Variants in KIAA1671 observed in about 807,000 individuals in gnomAD.
KIAA1671 encodes KIAA1671.
In KIAA1671, 52 loss-of-function variants were observed where a neutral mutation model predicts 131.2. The observed-to-expected ratio is 0.40, with a 90% CI of 0.32 to 0.50. The LOEUF (loss-of-function observed/expected upper bound fraction) is 0.50. KIAA1671 is among the 20% of genes least tolerant of loss of function. The pLI, the probability that KIAA1671 is intolerant of heterozygous loss-of-function variation, is 0.73. For synonymous variants in KIAA1671, 1,003 were observed against 961.6 expected, an observed-to-expected ratio of 1.04 and a Z score of -0.80; for missense variants, 2,360 against 2,364.2, an observed-to-expected ratio of 1.00 and a Z score of 0.04.
At chr22:25,020,513 C>T (rs1176826861) in intron 1 of KIAA1671, among the ~76,000 whole-genome samples, 1 of 152,118 alleles carries the variant, frequency 6.6e-6, no homozygotes, top group African/African-American at 2.4e-5. Context: ...GTTCAGACTC[C>T]AGATATAGCC....
Position 25,039,421 on chromosome 22 carries a change from C to T in KIAA1671, c.2291C>T (p.Ser764Phe). Residue 764 changes from serine (S) to phenylalanine (F), a missense_variant, in exon 5 of 13, where the codon TCT (serine) becomes TTT (phenylalanine). By Grantham distance (155) the Ser-to-Phe change is radical. Coordinates refer to ENST00000358431, the MANE Select transcript of KIAA1671 (RefSeq NM_001145206.2). ...EKAVTLRSLR[S>F]WLSLKDRQLS... Reference sequence around the variant, plus strand: ...GCGGTCACGCTCCGCAGCCTCAGGTCTTGGCTCTCACTGAAGGACAGGCAG... The same window carrying T: ...GCGGTCACGCTCCGCAGCCTCAGGTTTTGGCTCTCACTGAAGGACAGGCAG... The T allele has an allele frequency of 1.3e-6, 2 of 1,551,814 alleles. No individual in the cohort carries two copies. Among genetic ancestry groups the T allele is most frequent in the South Asian group, 2.4e-5 (2 of 84,060 alleles).
At chr22:24,982,505 G>A (rs986094336) in intron 1 of KIAA1671, among the ~76,000 whole-genome samples, 9 of 152,232 alleles carry the variant, frequency 5.9e-5, no homozygotes, top group African/African-American at 1.9e-4. Context: ...TCAATGCAGA[G>A]CTAGGGAATG....
chr22:24,990,217 A>C (rs1374085859), intron 1 of KIAA1671, among the ~76,000 whole-genome samples: 1 of 151,970 alleles, frequency 6.6e-6, no homozygotes, highest in African/African-American at 2.4e-5. Flanking sequence ...CAGCCTCCCA[A>C]GTAGCTGGGA....
chr22:25,186,073 TG>T (rs1934465733), intron 11 of KIAA1671: 1 of 152,280 alleles, frequency 6.6e-6, no homozygotes, highest in African/African-American at 2.4e-5. Flanking sequence ...TAAGCTTTAT[TG>T]GAACACAGCC....
chr22:24,988,477 AT>A (rs1174231996), intron 1 of KIAA1671, among the ~76,000 whole-genome samples: 5 of 152,010 alleles, frequency 3.3e-5, no homozygotes, highest in Admixed American at 1.3e-4. Context: ...TGTGGTGGTC[AT>A]GCCTGTAATC....
intron 6 of KIAA1671, among the ~76,000 whole-genome samples, chr22:25,161,764 C>T (rs1182119899): frequency 1.3e-5 from 2 of 152,154 alleles, no homozygotes; most frequent in South Asian, 4.1e-4. Flanking sequence ...CTCCCCTTCT[C>T]CTTTTCCTGG....
intron 6 of KIAA1671, chr22:25,050,379 T>C (rs1237561425): frequency 6.6e-6 from 1 of 152,244 alleles, no homozygotes; most frequent in Non-Finnish European, 1.5e-5. Flanking sequence ...CCAGGTCCTA[T>C]ACAGGGGCAT....
At chr22:25,002,083 A>T (rs1924508340) in intron 1 of KIAA1671, among the ~76,000 whole-genome samples, 1 of 152,136 alleles carries the variant, frequency 6.6e-6, no homozygotes, top group Admixed American at 6.5e-5. Flanking sequence ...TAGGAAAAAC[A>T]CTTCTCGAAA....
In KIAA1671 at chr22:25,165,017, G is replaced by GTGTGTGTGTGTC. The variant is rs1254688272; in HGVS notation, c.4531-5798_4531-5797insGTGTGTCTGTGT. ...TGTGTGTGTGTGTGTGTGTGTGTGT[G>GTGTGTGTGTGTC]TGTGTCTGTGGTTGATTTTGAGGCC... On this transcript the variant is annotated intron_variant, in intron 6 of 12. Transcript: ENST00000358431. Among the ~76,000 whole-genome samples, 10 of 147,056 alleles carry GTGTGTGTGTGTC rather than the reference G, an allele frequency of 6.8e-5. No homozygotes were observed. In the East Asian group the frequency reaches 1.8e-3, roughly 26 times the overall value.
chr22:25,117,628 CACACACACAG>C (rs1167783325), intron 6 of KIAA1671, among the ~76,000 whole-genome samples: 3 of 151,260 alleles, frequency 2.0e-5, no homozygotes, highest in Non-Finnish European at 4.4e-5. Flanking sequence ...CACACACACA[CACACACACAG>C]ACACACTGCT....
chr22:24,978,465 C>T (rs561207009), intron 1 of KIAA1671, among the ~76,000 whole-genome samples: 2 of 152,156 alleles, frequency 1.3e-5, no homozygotes, highest in South Asian at 2.1e-4. Flanking sequence ...TGGACTCGTA[C>T]ACCAGGCATT....
chr22:25,114,861 C>T (rs117940003), intron 6 of KIAA1671, among the ~76,000 whole-genome samples: 10 of 152,280 alleles, frequency 6.6e-5, no homozygotes, highest in East Asian at 1.9e-4. Context: ...CAGCAGTATC[C>T]GTGGCTGGGG....
chr22:25,000,224 C>T (rs1200668637), intron 1 of KIAA1671, among the ~76,000 whole-genome samples: 1 of 37,198 alleles, frequency 2.7e-5, no homozygotes, highest in Non-Finnish European at 5.0e-5. Flanking sequence ...GACGGAGTCT[C>T]GCTCTGTCGC....
chr22:25,045,053 C>T (rs946002425), intron 5 of KIAA1671, among the ~76,000 whole-genome samples: 1,648 of 144,450 alleles, frequency 0.011, 21 homozygotes, highest in Middle Eastern at 0.031. Flanking sequence ...CCCAGCTACT[C>T]CGGAGGCTGA....
chr22:25,070,464 T>TC lies in KIAA1671; in HGVS notation c.4530+21103dup, dbSNP rs200865389. 1.2e-3 allele frequency: 504 copies of TC among 430,210 alleles called. 1 individual carries two copies. Among genetic ancestry groups the TC allele is most frequent in the African/African-American group, 8.9e-3 (437 of 49,040 alleles). 26.6% of individuals were successfully genotyped at this position (430,210 alleles called of 1,614,324 possible). On this transcript the variant is annotated intron_variant, in intron 6 of 12. Transcript: ENST00000358431. ...GGCTCCAGGACGGGGTCACGTCCTT[T>TC]CCCTCTCCTCCTGCTTCCTGTCAAC...
intron 6 of KIAA1671, among the ~76,000 whole-genome samples, chr22:25,093,964 C>T (rs1487770807): frequency 6.6e-6 from 1 of 151,476 alleles, no homozygotes; most frequent in Non-Finnish European, 1.5e-5. Flanking sequence ...CGCCTTGCCT[C>T]CCAGGACTTC....
intron 1 of KIAA1671, among the ~76,000 whole-genome samples, chr22:24,968,510 C>CT (rs1167701594): frequency 6.6e-6 from 1 of 152,182 alleles, no homozygotes; most frequent in Non-Finnish European, 1.5e-5. Flanking sequence ...GAATGGTTTC[C>CT]TGTATCCACC....
chr22:25,147,325 T>G (rs1932900596), intron 6 of KIAA1671, among the ~76,000 whole-genome samples: 1 of 152,014 alleles, frequency 6.6e-6, no homozygotes, highest in Non-Finnish European at 1.5e-5. Context: ...CCTGAGTAGC[T>G]GGGATGACAG....
intron 6 of KIAA1671, among the ~76,000 whole-genome samples, chr22:25,071,434 C>T (rs1297792565): frequency 6.6e-6 from 1 of 152,104 alleles, no homozygotes; most frequent in Non-Finnish European, 1.5e-5. Context: ...AACAGGAGAT[C>T]CCCCCAGTCC....
Sources: allele counts gnomAD v4.1 joint callset (sites outside exome capture counted in the v4.1 genomes callset), GRCh38; gene constraint gnomAD v4.1.1; transcripts MANE v1.5; gene names NCBI Gene and HGNC (gene_info 2026-07-23, HGNC 2026-07-21).